ITGAV: variants seen among roughly 807,000 people sequenced by gnomAD.
ITGAV encodes integrin subunit alpha V.
ITGAV carries 76 observed loss-of-function variants against 143.8 expected under a neutral mutation model. The observed-to-expected ratio is 0.53, with a 90% CI of 0.44 to 0.64. The LOEUF (loss-of-function observed/expected upper bound fraction) is 0.64. ITGAV is among the 30% of genes least tolerant of loss of function. ITGAV has a pLI of 0.00. For synonymous variants in ITGAV, 453 were observed against 446.7 expected (o/e 1.01, Z -0.18); for missense variants, 1,193 against 1,274.7 (o/e 0.94, Z 0.98).
rs1425540413 is a variant in ITGAV, at chr2:186,621,343, CT to C, written c.317-995del. On this transcript the variant is annotated intron_variant, in intron 2 of 29. Transcript: ENST00000261023. ...CCCTAAATACTTGAGCATGTATCTC[CT>C]AAAAACTAGGACATTTTCTTATGTA... 3.3e-5 allele frequency among the ~76,000 whole-genome samples: 5 copies of C among 152,070 alleles called. No homozygotes were observed. The East Asian group carries it at 9.6e-4, about 29-fold the overall frequency.
At chr2:186,616,643 C>T (rs73050269) in intron 2 of ITGAV, among the ~76,000 whole-genome samples, 3,659 of 152,230 alleles carry the variant, frequency 0.024, 168 homozygotes, top group African/African-American at 0.084. Context: ...GTTGTCTGAC[C>T]TCCAAATCAT....
At chr2:186,670,725 C>G (rs771324607) in intron 26 of ITGAV, among the ~76,000 whole-genome samples, 8 of 152,200 alleles carry the variant, frequency 5.3e-5, no homozygotes, top group Non-Finnish European at 1.2e-4. Context: ...TCTGTTGACT[C>G]TCATGGCTGT....
intron 13 of ITGAV, among the ~76,000 whole-genome samples, chr2:186,647,939 AT>A (rs1318873861): frequency 1.3e-5 from 2 of 152,164 alleles, no homozygotes; most frequent in African/African-American, 2.4e-5. Flanking sequence ...TAAATGCAAT[AT>A]ATTTGTTATA....
chr2:186,598,622 G>C (rs538399363), intron 1 of ITGAV, among the ~76,000 whole-genome samples: 1 of 152,062 alleles, frequency 6.6e-6, no homozygotes, highest in South Asian at 2.1e-4. Flanking sequence ...ATTTTTAGTA[G>C]AGATGGGGTT....
At chr2:186,608,682 A>G (rs1250796105) in intron 2 of ITGAV, among the ~76,000 whole-genome samples, 1 of 152,080 alleles carries the variant, frequency 6.6e-6, no homozygotes, top group Non-Finnish European at 1.5e-5. Flanking sequence ...TAAGCTATCT[A>G]AAGGCAGGGA....
intron 1 of ITGAV, chr2:186,600,154 G>T: frequency 1.8e-6 from 1 of 553,184 alleles, no homozygotes. Context: ...CAGGCTCCTT[G>T]ACCTTATCTT....
chr2:186,676,676 G>A, intron 28 of ITGAV, 137 bp from the exon 29 acceptor site: 3 of 902,344 alleles, frequency 3.3e-6, no homozygotes, highest in Admixed American at 3.0e-5. Context: ...GATATCAAAT[G>A]TGAAACCACT....
chr2:186,654,868 C>A (rs1448893965), intron 16 of ITGAV, among the ~76,000 whole-genome samples, 160 bp downstream of exon 16: 1 of 152,036 alleles, frequency 6.6e-6, no homozygotes, highest in Non-Finnish European at 1.5e-5. Context: ...TAATTATATT[C>A]TTTGGTAACC....
chr2:186,666,913 C>A, intron 22 of ITGAV, 130 bp downstream of exon 22: 2 of 552,686 alleles, frequency 3.6e-6, no homozygotes, highest in Non-Finnish European at 6.1e-6. Flanking sequence ...ATTTTAAAAT[C>A]AATATTTACA....
chr2:186,608,159 C>A (rs1196882746), intron 2 of ITGAV, among the ~76,000 whole-genome samples: 3 of 152,150 alleles, frequency 2.0e-5, no homozygotes, highest in Non-Finnish European at 4.4e-5. Flanking sequence ...TAAGGATTCT[C>A]ACCAAAGAGG....
intron 2 of ITGAV, among the ~76,000 whole-genome samples, chr2:186,603,027 G>A (rs1048772265): frequency 6.6e-6 from 1 of 152,148 alleles, no homozygotes; most frequent in Non-Finnish European, 1.5e-5. Context: ...TGTCAGAATT[G>A]TGGTAGCAAG....
rs1462277980 is a variant in ITGAV at position 186,603,543 on chromosome 2, G to A, written c.316+1392G>A. ...GGCTAATACTTGGAAAACTCCAAGA[G>A]TTTGTAAAAAGGCCCAATTTTACCA... On this transcript the variant is annotated intron_variant, in intron 2 of 29. Transcript: ENST00000261023. 2.0e-5 allele frequency among the ~76,000 whole-genome samples: 3 copies of A among 152,144 alleles called. No individual in the cohort carries two copies. The East Asian group carries it at 5.8e-4, about 29-fold the overall frequency.
Position 186,636,106 on chromosome 2 carries a change from C to T in ITGAV, c.656C>T (p.Ala219Val). Residue 219 changes from alanine to valine, a missense_variant, in exon 7 of 30, where the codon GCA (alanine) becomes GTA (valine). Coordinates refer to ENST00000261023, the MANE Select transcript of ITGAV (RefSeq NM_002210.5). ...WQGQLISDQVAEIVSKYDPNV... is the reference protein window; with the variant it reads ...WQGQLISDQVVEIVSKYDPNV... The stretch of plus-strand genomic sequence containing the variant: ...GGTCAGCTTATTTCGGATCAAGTGG[C>T]AGAAATCGTATCTAAATACGACCCC... 6.2e-7 allele frequency: 1 copy of T among 1,612,816 alleles called. No individual in the cohort carries two copies. Among genetic ancestry groups the T allele is most frequent in the African/African-American group, 1.3e-5 (1 of 74,944 alleles).
intron 1 of ITGAV, among the ~76,000 whole-genome samples, chr2:186,590,801 A>G (rs978275972): frequency 6.6e-6 from 1 of 152,232 alleles, no homozygotes; most frequent in Non-Finnish European, 1.5e-5. Flanking sequence ...AAAATCGGGG[A>G]AAGTGGGAAA....
chr2:186,621,915 G>A (rs61763627), intron 2 of ITGAV, among the ~76,000 whole-genome samples: 2,897 of 152,188 alleles, frequency 0.019, 57 homozygotes, highest in Non-Finnish European at 0.033. Flanking sequence ...TTAGGCACAC[G>A]TCTCAGTCTT....
At chr2:186,602,586 G>A (rs535723744) in intron 2 of ITGAV, among the ~76,000 whole-genome samples, 2 of 152,244 alleles carry the variant, frequency 1.3e-5, no homozygotes, top group African/African-American at 4.8e-5. Context: ...GCTATAAAAA[G>A]CAGTTGAGGA....
At position 186,640,890 on chromosome 2, in the gene ITGAV, ATTTCAT is replaced by A. The variant is rs746070107; in HGVS notation, c.904-18_904-13del. 29 of 1,560,222 alleles carry A rather than the reference ATTTCAT, an allele frequency of 1.9e-5. No homozygotes were observed. The highest frequency in any genetic ancestry group is 2.5e-5 in the Non-Finnish European group (29 of 1,142,514). On this transcript the variant is annotated intron_variant, in intron 10 of 29. Coordinates refer to ENST00000261023, the MANE Select transcript of ITGAV (RefSeq NM_002210.5). ...TAAACTAATTGGATGAAATATAAAC[ATTTCAT>A]TTTCATCTTTTTATCCAGATGGCTG...
intron 14 of ITGAV, 34 bp from the exon 15 acceptor site, chr2:186,651,948 T>C (rs1347399072): frequency 7.7e-7 from 1 of 1,305,048 alleles, no homozygotes; most frequent in Admixed American, 1.9e-5. Flanking sequence ...TTTAAATAAT[T>C]TTTTACTTCA....
At position 186,666,723 on chromosome 2, in the gene ITGAV, T is replaced by A. The variant is rs1363916438; in HGVS notation, c.2186T>A (p.Phe729Tyr). ...AGTQLLAGLR[F>Y]SVHQQSEMDT... ...CTTTAGCTCTTAGCTGGTCTTCGTT[T>A]CAGTGTGCACCAGCAGTCAGAGATG... The change falls in exon 22 of 30, where the codon TTC becomes TAC. Residue 729 changes from phenylalanine to tyrosine, a missense_variant. Phe to Tyr is a conservative substitution (Grantham distance 22). Transcript: ENST00000261023. The A allele has an allele frequency of 6.3e-7, 1 of 1,581,302 alleles. No homozygotes were observed. Among genetic ancestry groups the A allele is most frequent in the Non-Finnish European group, 8.6e-7 (1 of 1,167,102 alleles).
Sources: allele counts gnomAD v4.1 joint callset (sites outside exome capture counted in the v4.1 genomes callset), GRCh38; gene constraint gnomAD v4.1.1; transcripts MANE v1.5; gene names NCBI Gene and HGNC (gene_info 2026-07-23, HGNC 2026-07-21).